CTSB: variants seen among roughly 807,000 people sequenced by gnomAD.
CTSB encodes cathepsin B.
A neutral mutation model predicts 44.3 loss-of-function variants in CTSB; 57 were observed. The ratio of observed to expected loss-of-function variants is 1.29; its 90% confidence interval spans 1.04 to 1.60. CTSB has a LOEUF of 1.60. Among genes scored for constraint, CTSB ranks in the 40% most tolerant of loss-of-function variants. The pLI is 0.00. For synonymous variants in CTSB, 320 were observed against 168.0 expected (o/e 1.91, Z -7.00); for missense variants, 768 against 443.0 (o/e 1.73, Z -6.59).
At chr8:11,866,340 C>G (rs986243806) in intron 1 of CTSB, among the ~76,000 whole-genome samples, 1 of 152,232 alleles carries the variant, frequency 6.6e-6, no homozygotes, top group Non-Finnish European at 1.5e-5. Context: ...CTGTCCTGAG[C>G]CAACACCCAG....
intron 4 of CTSB, among the ~76,000 whole-genome samples, chr8:11,850,360 A>C (rs1017009267): frequency 7.2e-6 from 1 of 139,412 alleles, no homozygotes; most frequent in African/African-American, 2.7e-5. Flanking sequence ...CAGAGGTTGC[A>C]GTGAGCCAAT....
At chr8:11,846,867 A>C (rs1563383002) in intron 8 of CTSB, among the ~76,000 whole-genome samples, 185 bp downstream of exon 8, 1 of 152,038 alleles carries the variant, frequency 6.6e-6, no homozygotes, top group Admixed American at 6.5e-5. Context: ...CACCTGGACA[A>C]AGACAGTCAG....
chr8:11,849,018 C>G, intron 5 of CTSB, 28 bp downstream of exon 5: 1 of 1,567,924 alleles, frequency 6.4e-7, no homozygotes, highest in Non-Finnish European at 8.8e-7. Context: ...CAGCACTAAA[C>G]CCGCTGTGGA....
intron 1 of CTSB, among the ~76,000 whole-genome samples, chr8:11,859,564 C>A (rs1487294756): frequency 6.6e-6 from 1 of 151,686 alleles, no homozygotes; most frequent in Non-Finnish European, 1.5e-5. Flanking sequence ...AGTTCGAGAC[C>A]AGCCTGTCTC....
At chr8:11,865,654 A>C (rs1817016003) in intron 1 of CTSB, 1 of 151,816 alleles carries the variant, frequency 6.6e-6, no homozygotes, top group South Asian at 2.1e-4. Context: ...TCAATGTTTC[A>C]GTCCATATCT....
In CTSB at chr8:11,852,630, AC is replaced by A; in HGVS notation, c.191del (p.Gly64ValfsTer15). On this transcript the variant is annotated frameshift_variant, in exon 3 of 10. Transcript: ENST00000353047. LOFTEE classifies it high-confidence loss of function. ...YLKRLCGTFL[G>X]GPKPPQRVMF... ...CTCACCTCTGGGGTGGCTTGGGCCC[AC>A]CCAGGAAGGTACCACATAGCCTCTT... is the stretch of plus-strand genomic sequence containing the variant. 6.2e-7 allele frequency: 1 copy of A among 1,613,824 alleles called. No homozygotes were observed. The highest frequency in any genetic ancestry group is 8.5e-7 in the Non-Finnish European group (1 of 1,179,952).
intron 5 of CTSB, 93 bp downstream of exon 5, chr8:11,848,953 G>T: frequency 2.3e-6 from 2 of 875,184 alleles, no homozygotes; most frequent in Non-Finnish European, 1.9e-6. Context: ...ACTCGCAGCA[G>T]TCCCAGGAAG....
intron 4 of CTSB, chr8:11,849,983 T>TA (rs1477790333): frequency 1.3e-5 from 2 of 152,230 alleles, no homozygotes; most frequent in East Asian, 3.8e-4. Context: ...AGACAGAAAG[T>TA]AGAGTGGGGC....
At chr8:11,861,491 A>G (rs1278164178) in intron 1 of CTSB, 1 of 152,294 alleles carries the variant, frequency 6.6e-6, no homozygotes, top group Non-Finnish European at 1.5e-5. Context: ...TATGAGTGGA[A>G]TATTGTACAA....
At chr8:11,859,676 G>C (rs144303659) in intron 1 of CTSB, among the ~76,000 whole-genome samples, 8 of 145,446 alleles carry the variant, frequency 5.5e-5, no homozygotes, top group African/African-American at 2.0e-4. Flanking sequence ...GCTGAGGCAG[G>C]AGAATCACTT....
intron 1 of CTSB, among the ~76,000 whole-genome samples, chr8:11,861,881 A>G (rs1754944996): frequency 6.6e-6 from 1 of 152,208 alleles, no homozygotes; most frequent in Non-Finnish European, 1.5e-5. Flanking sequence ...ACACCAGGGT[A>G]GTTGAGGCTG....
Position 11,847,779 on chromosome 8 carries a change from G to T in CTSB, c.576C>A (p.Asn192Lys). The T allele has an allele frequency of 6.3e-7, 1 of 1,598,860 alleles. No homozygotes were observed. Reference protein sequence around the residue: ...YSIPPCEHHVNGSRPPCTGEG... With the variant: ...YSIPPCEHHVKGSRPPCTGEG... ...CCCCCGTGCATGGGGGCCGGGAGCC[G>T]TTGACGTGGTGCTCACAGGGAGGGA... is the stretch of plus-strand genomic sequence containing the variant. Residue 192 changes from asparagine (N) to lysine (K), a missense_variant, in exon 7 of 10, where the codon AAC (asparagine) becomes AAA (lysine). By Grantham distance (94) the Asn-to-Lys change is moderately conservative. Coordinates refer to ENST00000353047, the MANE Select transcript of CTSB (RefSeq NM_001908.5).
At chr8:11,853,529 G>A (rs939307344) in intron 1 of CTSB, 50 bp from the exon 2 acceptor site, 16 of 1,543,022 alleles carry the variant, frequency 1.0e-5, no homozygotes, top group Non-Finnish European at 1.4e-5. Context: ...GTGGGTCGAG[G>A]GCTCACACAC....
At chr8:11,853,579 C>G (rs1357544500) in intron 1 of CTSB, 100 bp from the exon 2 acceptor site, 2 of 1,207,496 alleles carry the variant, frequency 1.7e-6, no homozygotes, top group African/African-American at 1.5e-5. Context: ...GACCCCCATG[C>G]TCGTCCTGGC....
At chr8:11,867,300 T>A (rs2150468627) in intron 1 of CTSB, 1 of 152,252 alleles carries the variant, frequency 6.6e-6, no homozygotes, top group South Asian at 2.1e-4. Context: ...CTCCCTTTAC[T>A]GGAGTCCAGG....
intron 5 of CTSB, chr8:11,848,746 A>G: frequency 3.1e-6 from 1 of 318,070 alleles, no homozygotes; most frequent in Non-Finnish European, 6.2e-6. Context: ...CCCAAGCAGG[A>G]AAAAGGAACA....
rs1812945022 is a variant in CTSB at position 11,844,830 on chromosome 8, G to C, written c.*295C>G. 2.7e-6 allele frequency: 1 copy of C among 364,716 alleles called. No homozygotes were observed. Among genetic ancestry groups the C allele is most frequent in the African/African-American group, 2.0e-5 (1 of 49,670 alleles). 22.6% of individuals were successfully genotyped at this position (364,716 alleles called of 1,614,324 possible). Reference sequence around the variant, plus strand: ...GTCTCTGTCTTGCTCCCTGGAGATGGATGGATCACGGAGGGGGCCACAGTC... The same window carrying C: ...GTCTCTGTCTTGCTCCCTGGAGATGCATGGATCACGGAGGGGGCCACAGTC... On this transcript the variant is annotated 3_prime_UTR_variant, in exon 10 of 10. Transcript: ENST00000353047.
chr8:11,848,324 G>T, intron 5 of CTSB, 172 bp from the exon 6 acceptor site: 1 of 695,914 alleles, frequency 1.4e-6, no homozygotes, highest in Non-Finnish European at 2.6e-6. Context: ...CCCTAGATAA[G>T]CACAGCTTGC....
chr8:11,847,031 C>A (rs747308699), intron 8 of CTSB, 21 bp downstream of exon 8: 2 of 1,045,808 alleles, frequency 1.9e-6, no homozygotes, highest in African/African-American at 1.6e-5. Context: ...CCCTCTATTG[C>A]CATCAGCCAT....
Sources: gnomAD v4.1 joint callset for allele counts (sites outside exome capture counted in the v4.1 genomes callset) on GRCh38, gnomAD v4.1.1 for gene constraint, MANE v1.5 for transcripts, NCBI Gene and HGNC (gene_info 2026-07-23, HGNC 2026-07-21) for gene names.